Variants in ACACA observed in about 807,000 individuals in gnomAD.
The protein encoded by ACACA is acetyl-CoA carboxylase alpha.
ACACA carries 103 observed loss-of-function variants against 296.1 expected under a neutral mutation model. The observed-to-expected ratio is 0.35, with a 90% confidence interval of 0.30 to 0.41. The LOEUF is 0.41. ACACA is among the 10% of genes least tolerant of loss of function. The pLI, the probability that ACACA is intolerant of heterozygous loss-of-function variation, is 1.00. For synonymous variants in ACACA, 953 were observed against 1,038.6 expected (o/e 0.92, Z 1.58); for missense variants, 1,554 against 2,989.7 (o/e 0.52, Z 11.20).
intron 10 of ACACA, among the ~76,000 whole-genome samples, chr17:37,268,741 C>CTATATATATATATATATATATATA (rs71368449): frequency 2.1e-5 from 2 of 94,526 alleles, no homozygotes; most frequent in African/African-American, 8.0e-5. Flanking sequence ...ATCTATCTAT[C>CTATATATATATATATATATATATA]TATATATATA....
At chr17:37,155,079 A>C (rs2076185894) in intron 43 of ACACA, among the ~76,000 whole-genome samples, 1 of 152,188 alleles carries the variant, frequency 6.6e-6, no homozygotes, top group African/African-American at 2.4e-5. Flanking sequence ...CTAGAAATTA[A>C]CCAAAAAGGG....
At chr17:37,174,020 A>ATATATATATT (rs552735515) in intron 41 of ACACA, among the ~76,000 whole-genome samples, 2 of 16,788 alleles carry the variant, frequency 1.2e-4, no homozygotes, top group African/African-American at 2.6e-4. Flanking sequence ...ATATATATAT[A>ATATATATATT]TTTTTTTTTT....
At chr17:37,352,052 TC>T (rs1412122334) in intron 1 of ACACA, among the ~76,000 whole-genome samples, 1 of 149,808 alleles carries the variant, frequency 6.7e-6, no homozygotes, top group Non-Finnish European at 1.5e-5. Context: ...TGCCTCAGCC[TC>T]CCGAGTAGCT....
At chr17:37,142,796 T>G (rs539726720) in intron 45 of ACACA, among the ~76,000 whole-genome samples, 2 of 152,354 alleles carry the variant, frequency 1.3e-5, no homozygotes, top group East Asian at 3.9e-4. Context: ...GTGCGTTGAT[T>G]GTTGCTAGAT....
intron 47 of ACACA, among the ~76,000 whole-genome samples, chr17:37,126,817 C>G (rs975380192): frequency 6.6e-6 from 1 of 152,210 alleles, no homozygotes; most frequent in Non-Finnish European, 1.5e-5. Context: ...AAAATTATCT[C>G]TCCATCCGTG....
At chr17:37,210,614 C>T (rs1001668017) in intron 29 of ACACA, 124 bp from the exon 30 acceptor site, 2 of 865,974 alleles carry the variant, frequency 2.3e-6, no homozygotes, top group Non-Finnish European at 3.9e-6. Context: ...ATTCAGCAGA[C>T]ATAATTAAGT....
At chr17:37,165,957 G>A (rs368876216) in intron 41 of ACACA, among the ~76,000 whole-genome samples, 7 of 152,162 alleles carry the variant, frequency 4.6e-5, no homozygotes, top group African/African-American at 9.6e-5. Flanking sequence ...GATTATAGGC[G>A]TGAGCCACCT....
At chr17:37,218,412 T>C (rs1279937956) in intron 29 of ACACA, among the ~76,000 whole-genome samples, 5 of 152,242 alleles carry the variant, frequency 3.3e-5, no homozygotes, top group African/African-American at 7.2e-5. Context: ...AAGATGTTAT[T>C]TGAATTAATT....
chr17:37,171,072 C>A (rs1268441342), intron 41 of ACACA, among the ~76,000 whole-genome samples: 1 of 152,180 alleles, frequency 6.6e-6, no homozygotes, highest in Non-Finnish European at 1.5e-5. Flanking sequence ...CCTTTCCATA[C>A]AGATTTAAAT....
intron 1 of ACACA, among the ~76,000 whole-genome samples, chr17:37,404,597 T>A (rs531010424): frequency 7.3e-6 from 1 of 137,226 alleles, no homozygotes; most frequent in South Asian, 2.4e-4. Flanking sequence ...TTTTTTGAGA[T>A]GCAGTTTCAC....
intron 1 of ACACA, 89 bp downstream of exon 1, chr17:37,406,173 G>T: frequency 6.9e-7 from 1 of 1,443,638 alleles, no homozygotes; most frequent in Non-Finnish European, 9.7e-7. Flanking sequence ...AACCTGCTTT[G>T]TGCAATGTCT....
chr17:37,123,349 TA>T (rs1359709797), intron 48 of ACACA, among the ~76,000 whole-genome samples: 1 of 152,190 alleles, frequency 6.6e-6, no homozygotes, highest in East Asian at 1.9e-4. Context: ...TATGTTTATT[TA>T]AAAAACTGTT....
intron 52 of ACACA, among the ~76,000 whole-genome samples, chr17:37,110,286 T>C (rs2073910575): frequency 6.6e-6 from 1 of 152,220 alleles, no homozygotes; most frequent in Admixed American, 6.5e-5. Flanking sequence ...CTATGAACAG[T>C]TGTAAGTAAC....
intron 1 of ACACA, chr17:37,379,392 G>A: frequency 6.2e-7 from 1 of 1,611,838 alleles, no homozygotes; most frequent in Non-Finnish European, 8.5e-7. Flanking sequence ...GGTGAGATTG[G>A]AAAAGAGGAA....
At chr17:37,340,982 T>G (rs2048352213) in intron 1 of ACACA, among the ~76,000 whole-genome samples, 1 of 151,982 alleles carries the variant, frequency 6.6e-6, no homozygotes. Context: ...TGTGCTAGAG[T>G]CCAGGAGCTG....
chr17:37,181,730 T>C (rs1425754413), intron 39 of ACACA, among the ~76,000 whole-genome samples: 1 of 151,386 alleles, frequency 6.6e-6, no homozygotes, highest in Non-Finnish European at 1.5e-5. Context: ...AAACCTTGTC[T>C]CTACTGAAAA....
rs754101450 is a variant in ACACA at position 37,121,350 on chromosome 17, G to C, written c.6274+5C>G. 1.2e-6 allele frequency: 2 copies of C among 1,614,038 alleles called. No individual in the cohort carries two copies. Among genetic ancestry groups the C allele is most frequent in the East Asian group, 2.2e-5 (1 of 44,892 alleles). On this transcript the variant is annotated splice_donor_5th_base_variant and intron_variant, in intron 50 of 55. Transcript: ENST00000616317. ...GCCCCTCCAGCCCACAGGCAGCCCA[G>C]TCACCTTTCATTCCACCAGAGAAGC...
chr17:37,166,296 C>A (rs1328955632), intron 41 of ACACA, among the ~76,000 whole-genome samples: 1 of 151,808 alleles, frequency 6.6e-6, no homozygotes, highest in Non-Finnish European at 1.5e-5. Context: ...TACCACCATG[C>A]CCAGCTAATT....
At chr17:37,335,305 G>C (rs989257024) in intron 2 of ACACA, among the ~76,000 whole-genome samples, 1 of 152,080 alleles carries the variant, frequency 6.6e-6, no homozygotes, top group Admixed American at 6.5e-5. Flanking sequence ...CTTCAGCACA[G>C]AAATAAACAC....
Sources: gnomAD v4.1 joint callset for allele counts (sites outside exome capture counted in the v4.1 genomes callset) on GRCh38, gnomAD v4.1.1 for gene constraint, MANE v1.5 for transcripts, NCBI Gene and HGNC (gene_info 2026-07-23, HGNC 2026-07-21) for gene names.